AOPEP: variants seen among roughly 807,000 people sequenced by gnomAD.
AOPEP encodes the protein aminopeptidase O.
Under a neutral mutation model 98.1 loss-of-function variants are expected in AOPEP, and 77 were observed. That is an observed-to-expected ratio of 0.78 (90% CI 0.65 to 0.95). The LOEUF is 0.95. Among genes scored for constraint, AOPEP ranks in the 40% least tolerant of loss-of-function variants. AOPEP has a pLI of 0.00. For missense variants in AOPEP, 1,024 were observed against 1,024.7 expected (o/e 1.00, Z 0.01); for synonymous variants, 346 against 365.3 (o/e 0.95, Z 0.60).
intron 1 of AOPEP, among the ~76,000 whole-genome samples, chr9:94,756,550 T>G (rs1295133132): frequency 6.6e-6 from 1 of 152,144 alleles, no homozygotes; most frequent in Non-Finnish European, 1.5e-5. Context: ...GAGAAAATGT[T>G]GGCAAGAGAA....
intron 7 of AOPEP, among the ~76,000 whole-genome samples, chr9:94,929,554 C>T (rs2137030907): frequency 6.6e-6 from 1 of 152,382 alleles, no homozygotes; most frequent in Non-Finnish European, 1.5e-5. Context: ...TTGACTCATC[C>T]ATTGTTTCGG....
chr9:94,794,932 T>A (rs1341607711), intron 4 of AOPEP, among the ~76,000 whole-genome samples: 1 of 152,194 alleles, frequency 6.6e-6, no homozygotes, highest in East Asian at 1.9e-4. Flanking sequence ...CTGTTTTGTG[T>A]TAAGCCACTG....
At chr9:94,769,308 G>A (rs769923295) in intron 2 of AOPEP, among the ~76,000 whole-genome samples, 1 of 152,132 alleles carries the variant, frequency 6.6e-6, no homozygotes, top group Non-Finnish European at 1.5e-5. Context: ...GACATGCATA[G>A]GATATCAGCT....
chr9:94,899,179 CTTT>C (rs1164742981), intron 5 of AOPEP, among the ~76,000 whole-genome samples: 11 of 59,746 alleles, frequency 1.8e-4, no homozygotes, highest in African/African-American at 6.7e-4. Flanking sequence ...TCTTCATTTG[CTTT>C]TTTTTTTTTT....
chr9:95,143,597 G>A, the AOPEP span, among the ~76,000 whole-genome samples: 32 of 152,272 alleles, frequency 2.1e-4, no homozygotes, highest in African/African-American at 6.7e-4. Flanking sequence ...ATTATATCAC[G>A]AGATCACCGT....
intron 5 of AOPEP, among the ~76,000 whole-genome samples, chr9:94,899,179 CTTTTTTTTTTTTTT>C (rs1164742981): frequency 6.7e-5 from 4 of 59,732 alleles, no homozygotes; most frequent in African/African-American, 1.5e-4. Context: ...TCTTCATTTG[CTTTTTTTTTTTTTT>C]TTTTTTTTTG....
rs557902713 is a variant in AOPEP, at chr9:94,884,963, C to G, written c.1365-39023C>G. 2.1e-3 allele frequency among the ~76,000 whole-genome samples: 298 copies of G among 145,138 alleles called. 2 individuals carry two copies. Among genetic ancestry groups the G allele is most frequent in the African/African-American group, 7.5e-3 (288 of 38,272 alleles). The stretch of plus-strand genomic sequence containing the variant: ...GGCGGAGCTTGCAGTGAGCCGAGAT[C>G]GCACCACTGCACTCCAGCCTGGGCG... On this transcript the variant is annotated intron_variant, in intron 5 of 16. Coordinates refer to ENST00000375315, the MANE Select transcript of AOPEP (RefSeq NM_001193329.3).
At chr9:95,082,424 A>C in intron 15 of AOPEP, 151 bp from the exon 16 acceptor site, 5 of 777,770 alleles carry the variant, frequency 6.4e-6, no homozygotes, top group South Asian at 4.0e-5. Context: ...TTCCAAAAGC[A>C]CAGTCAGCCC....
chr9:94,753,267 A>T (rs1836242396), intron 1 of AOPEP, among the ~76,000 whole-genome samples: 2 of 152,230 alleles, frequency 1.3e-5, no homozygotes, highest in Non-Finnish European at 2.9e-5. Context: ...GGAGTAAGGA[A>T]GCTGGTGAAT....
chr9:94,936,484 T>C (rs1358002025), intron 7 of AOPEP, among the ~76,000 whole-genome samples: 1 of 152,196 alleles, frequency 6.6e-6, no homozygotes, highest in African/African-American at 2.4e-5. Flanking sequence ...TTCTGAGCCC[T>C]CACTCCTTGG....
intron 15 of AOPEP, among the ~76,000 whole-genome samples, chr9:95,082,279 A>G (rs2134246888): frequency 6.6e-6 from 1 of 152,266 alleles, no homozygotes; most frequent in East Asian, 1.9e-4. Flanking sequence ...CGTTCCTGAC[A>G]CGGCCATCAT....
At chr9:95,127,584 C>T in the AOPEP span, among the ~76,000 whole-genome samples, 1 of 152,210 alleles carries the variant, frequency 6.6e-6, no homozygotes, top group African/African-American at 2.4e-5. Context: ...CTCCGCTGTG[C>T]GCCCAGGGGG....
chr9:95,116,582 C>T, the AOPEP span, among the ~76,000 whole-genome samples: 1 of 152,230 alleles, frequency 6.6e-6, no homozygotes, highest in African/African-American at 2.4e-5. Flanking sequence ...TCCCATGCTC[C>T]AATAAGGCCC....
intron 5 of AOPEP, among the ~76,000 whole-genome samples, chr9:94,899,179 C>CT (rs1164742981): frequency 0.32 from 18,936 of 59,634 alleles, 5,202 homozygotes; most frequent in Middle Eastern, 0.42. Flanking sequence ...TCTTCATTTG[C>CT]TTTTTTTTTT....
In AOPEP at chr9:94,962,351, A is replaced by AT. The variant is rs1220123344; in HGVS notation, c.1873-5401dup. ...AAAGAAGACAGACAAAGATATTCCT[A>AT]TTTTTTCCCAAATGTGTGGATATTT... On this transcript the variant is annotated intron_variant, in intron 9 of 16. Coordinates refer to ENST00000375315, the MANE Select transcript of AOPEP (RefSeq NM_001193329.3). Among the ~76,000 whole-genome samples, 14 of 152,100 alleles carry AT rather than the reference A, an allele frequency of 9.2e-5. No homozygotes were observed. The South Asian group carries it at 2.7e-3, about 29-fold the overall frequency.
In AOPEP at chr9:94,925,096, A is replaced by G. The variant is rs1415242407; in HGVS notation, c.1554+921A>G. Among the ~76,000 whole-genome samples the G allele has an allele frequency of 5.3e-5, 8 of 152,180 alleles. No individual in the cohort carries two copies. The South Asian group carries it at 6.2e-4, about 12-fold the overall frequency. ...AACCTCCACCTCCTGGGTTCAAGCA[A>G]TTCTTCTGCCTCAGCCTCCTGAGTA... On this transcript the variant is annotated intron_variant, in intron 6 of 16. Transcript: ENST00000375315.
At chr9:94,875,357 A>AAAG (rs2046820434) in intron 5 of AOPEP, among the ~76,000 whole-genome samples, 1 of 147,454 alleles carries the variant, frequency 6.8e-6, no homozygotes, top group African/African-American at 2.6e-5. Context: ...GAAAAAAAAA[A>AAAG]AAAAAAAAAA....
rs1455165289 is a variant in AOPEP, at chr9:94,792,760, T to G, written c.965-5T>G. The G allele has an allele frequency of 6.3e-7, 1 of 1,594,554 alleles. No homozygotes were observed. The highest frequency in any genetic ancestry group is 8.6e-7 in the Non-Finnish European group (1 of 1,167,722). ...TCATTATGGTTTTTCTCTTCCTGTT[T>G]ACAGAGTGCTCAAGCTGGTATTACT... On this transcript the variant is annotated splice_region_variant and splice_polypyrimidine_tract_variant and intron_variant, in intron 3 of 16. Transcript: ENST00000375315.
At chr9:94,759,561 A>G in intron 1 of AOPEP, 88 bp from the exon 2 acceptor site, 1 of 525,394 alleles carries the variant, frequency 1.9e-6, no homozygotes, top group Non-Finnish European at 3.3e-6. Context: ...TTATTTAAGG[A>G]TGGTGGTCAA....
Sources: allele counts gnomAD v4.1 joint callset (sites outside exome capture counted in the v4.1 genomes callset), GRCh38; gene constraint gnomAD v4.1.1; transcripts MANE v1.5; gene names NCBI Gene and HGNC (gene_info 2026-07-23, HGNC 2026-07-21).